Variants in MYO15B observed in about 807,000 individuals in gnomAD.
MYO15B encodes the protein myosin XVB pseudogene.
Under a neutral mutation model 119.3 loss-of-function variants are expected in MYO15B, and 207 were observed. The observed-to-expected ratio is 1.73, with a 90% CI of 1.55 to 1.95. The LOEUF (loss-of-function observed/expected upper bound fraction) is 1.95. Ranked by LOEUF, MYO15B falls within the 30% of genes most tolerant of loss-of-function variation. The pLI is 0.00. For synonymous variants in MYO15B, 966 were observed against 498.9 expected, an observed-to-expected ratio of 1.94 and a Z score of -12.48; for missense variants, 2,264 against 1,203.1, an observed-to-expected ratio of 1.88 and a Z score of -13.04.
At chr17:75,609,647 C>T (rs1025797491) in intron 21 of MYO15B, among the ~76,000 whole-genome samples, 2 of 151,110 alleles carry the variant, frequency 1.3e-5, no homozygotes, top group African/African-American at 2.4e-5. Context: ...CTCTCTCCCT[C>T]CTCCCTCCTC....
At chr17:75,622,453 C>T (rs368301765) in intron 53 of MYO15B, among the ~76,000 whole-genome samples, 2 of 152,132 alleles carry the variant, frequency 1.3e-5, no homozygotes, top group African/African-American at 4.8e-5. Context: ...GCACCGGGAC[C>T]AGCGTGGCTG....
intron 43 of MYO15B, 30 bp from the exon 44 acceptor site, chr17:75,619,113 C>T (rs1423711028): frequency 2.8e-6 from 2 of 702,658 alleles, no homozygotes; most frequent in East Asian, 5.4e-5. Context: ...GTCTCAGGAC[C>T]TGGTGGTGAC....
chr17:75,623,053 C>T (rs538392924), intron 53 of MYO15B, among the ~76,000 whole-genome samples: 2 of 152,144 alleles, frequency 1.3e-5, no homozygotes, highest in South Asian at 2.1e-4. Flanking sequence ...AAGCAGGGGC[C>T]GGGCGCGGCG....
At chr17:75,623,348 G>T (rs908373624) in intron 53 of MYO15B, among the ~76,000 whole-genome samples, 1 of 151,962 alleles carries the variant, frequency 6.6e-6, no homozygotes, top group African/African-American at 2.4e-5. Context: ...AAATGAAAAG[G>T]CCGGGCACGG....
chr17:75,588,561 G>A lies in MYO15B; in HGVS notation c.504G>A (p.Gln168=), dbSNP rs558421429. 3.9e-4 allele frequency: 154 copies of A among 398,908 alleles called. 1 individual carries two copies. The East Asian group carries it at 5.5e-3, about 14-fold the overall frequency. The allele number at this position is 398,908 out of a possible 1,614,324, so 24.7% of individuals were successfully genotyped here. Residue 168 remains glutamine, a synonymous_variant, in exon 1 of 64, where the codon CAG becomes CAA. Coordinates refer to ENST00000645453, the Ensembl canonical transcript of MYO15B. ...CGGACAGCGAAACCCGCGAGGCCCA[G>A]GAGAGCGGCAGCCAGCGCGGCACAG...
exon 64 of MYO15B, chr17:75,626,482 T>G: frequency 1.4e-6 from 1 of 703,174 alleles, no homozygotes; most frequent in Admixed American, 2.0e-5. Context: ...CAGCATCAAC[T>G]GAGAGGAGTG....
chr17:75,605,762 G>C, intron 20 of MYO15B, 102 bp from the exon 21 acceptor site: 1 of 650,634 alleles, frequency 1.5e-6, no homozygotes, highest in Non-Finnish European at 2.8e-6. Context: ...AGGGCCAGAA[G>C]AACAAATGGT....
chr17:75,621,891 T>C, intron 52 of MYO15B, 113 bp from the exon 53 acceptor site: 1 of 643,290 alleles, frequency 1.6e-6, no homozygotes, highest in Middle Eastern at 2.7e-4. Flanking sequence ...ATCTATGCAT[T>C]TTGAGAGTGA....
chr17:75,616,228 C>G (rs2058362740), intron 37 of MYO15B, 81 bp downstream of exon 37: 1 of 587,290 alleles, frequency 1.7e-6, no homozygotes, highest in Non-Finnish European at 3.0e-6. Context: ...GGGGTGTGCT[C>G]TGCTCCCCGG....
intron 12 of MYO15B, among the ~76,000 whole-genome samples, chr17:75,595,390 G>T (rs1598728036): frequency 6.6e-6 from 1 of 152,272 alleles, no homozygotes; most frequent in East Asian, 1.9e-4. Context: ...ACAAGCCCCA[G>T]CCCTGGCCCG....
intron 61 of MYO15B, 58 bp from the exon 62 acceptor site, chr17:75,625,786 G>A (rs2059013011): frequency 8.6e-6 from 6 of 701,156 alleles, no homozygotes; most frequent in Non-Finnish European, 2.6e-6. Flanking sequence ...GGACCAAGCA[G>A]AGCAGGTTCC....
chr17:75,588,355 C>T (rs2056194081), exon 1 of MYO15B: 3 of 398,442 alleles, frequency 7.5e-6, no homozygotes, highest in Middle Eastern at 6.2e-4. Flanking sequence ...GCGTCAGGGA[C>T]GCGGGCCCAG....
chr17:75,612,885 A>C (rs1379103320), exon 26 of MYO15B: 2 of 702,218 alleles, frequency 2.8e-6, no homozygotes, highest in Non-Finnish European at 5.2e-6. Flanking sequence ...CCTGGACATC[A>C]ACAAAGTGGT....
At chr17:75,591,701 C>A in exon 5 of MYO15B, 2 of 702,966 alleles carry the variant, frequency 2.8e-6, no homozygotes, top group Non-Finnish European at 5.2e-6. Flanking sequence ...GACGGGGAAC[C>A]GAGAGTGTCA....
At chr17:75,596,899 G>T (rs1463765451) in exon 14 of MYO15B, 1 of 699,426 alleles carries the variant, frequency 1.4e-6, no homozygotes, top group South Asian at 1.5e-5. Context: ...GGCTGTCCCA[G>T]GTAAGGGCCA....
At chr17:75,617,943 T>C (rs2058478790) in intron 42 of MYO15B, 21 bp downstream of exon 42, 1 of 702,002 alleles carries the variant, frequency 1.4e-6, no homozygotes, top group African/African-American at 1.7e-5. Flanking sequence ...GGGTGGGGCC[T>C]TGGCCTGGCC....
chr17:75,612,689 G>A, intron 25 of MYO15B, 109 bp from the exon 26 acceptor site: 1 of 641,666 alleles, frequency 1.6e-6, no homozygotes, highest in Non-Finnish European at 2.8e-6. Context: ...GCATTAAGAT[G>A]CATTTCTGTC....
At chr17:75,594,885 T>A in exon 12 of MYO15B, 1 of 703,048 alleles carries the variant, frequency 1.4e-6, no homozygotes, top group Non-Finnish European at 2.6e-6. Context: ...TCCACCGGCT[T>A]CTGAGGAGAA....
rs960931186 is a variant in MYO15B at position 75,613,473 on chromosome 17, T to A, written c.5146+2T>A. On this transcript the variant is annotated splice_donor_variant, in intron 28 of 63. Coordinates refer to ENST00000645453, the Ensembl canonical transcript of MYO15B. LOFTEE classifies it high-confidence loss of function. Reference sequence around the variant, plus strand: ...CGCTGGATGTGTTCACCTTCAGCGGTGAGGGCTGCCTCTGGCTGAGGCCTC... The same window carrying A: ...CGCTGGATGTGTTCACCTTCAGCGGAGAGGGCTGCCTCTGGCTGAGGCCTC... 28 of 678,844 alleles carry A rather than the reference T, an allele frequency of 4.1e-5. No homozygotes were observed. The highest frequency in any genetic ancestry group is 6.3e-5 in the Non-Finnish European group (24 of 378,314). 42.1% of individuals were successfully genotyped at this position (678,844 alleles called of 1,614,324 possible).
Sources: gnomAD v4.1 joint callset for allele counts (sites outside exome capture counted in the v4.1 genomes callset) on GRCh38, gnomAD v4.1.1 for gene constraint, MANE v1.5 for transcripts, NCBI Gene and HGNC (gene_info 2026-07-23, HGNC 2026-07-21) for gene names.